SHROOM3: variants seen among roughly 807,000 people sequenced by gnomAD.
SHROOM3 encodes the protein protein Shroom3.
Under a neutral mutation model 138.6 loss-of-function variants are expected in SHROOM3, and 47 were observed. The ratio of observed to expected loss-of-function variants is 0.34; its 90% CI spans 0.27 to 0.43. The LOEUF (loss-of-function observed/expected upper bound fraction) is 0.43. Ranked by LOEUF, SHROOM3 falls within the 20% of genes least tolerant of loss-of-function variation. The probability of loss-of-function intolerance (pLI) is 1.00; values close to 1 mark genes in which losing one functional copy is unlikely to be tolerated. For synonymous variants in SHROOM3, 1,062 were observed against 1,063.3 expected (o/e 1.00, Z 0.02); for missense variants, 2,491 against 2,596.5 (o/e 0.96, Z 0.88).
chr4:76,594,888 T>G lies in SHROOM3; in HGVS notation c.323+39125T>G, dbSNP rs554539185. Among the ~76,000 whole-genome samples the G allele has an allele frequency of 2.0e-4, 31 of 152,280 alleles. 1 individual carries two copies. The highest frequency in any genetic ancestry group is 2.0e-3 in the Admixed American group (30 of 15,292). On this transcript the variant is annotated intron_variant, in intron 2 of 10. Coordinates refer to ENST00000296043, the MANE Select transcript of SHROOM3 (RefSeq NM_020859.4). ...TTGGGTGTATTGAACATAAACCCAC[T>G]AAGACCAACTCAAATAAAAAGAGAT...
chr4:76,436,533 T>C (rs1172453916), intron 1 of SHROOM3, among the ~76,000 whole-genome samples: 1 of 152,242 alleles, frequency 6.6e-6, no homozygotes, highest in African/African-American at 2.4e-5. Flanking sequence ...ATTAATAACA[T>C]GGTTAAGATG....
intron 1 of SHROOM3, among the ~76,000 whole-genome samples, chr4:76,502,918 A>G (rs1363539352): frequency 6.6e-6 from 1 of 152,128 alleles, no homozygotes; most frequent in African/African-American, 2.4e-5. Flanking sequence ...AGTTCACTGC[A>G]ATGTCATACT....
At chr4:76,737,263 CTTTTT>C (rs973842428) in intron 4 of SHROOM3, among the ~76,000 whole-genome samples, 3 of 130,944 alleles carry the variant, frequency 2.3e-5, no homozygotes, top group East Asian at 4.4e-4. Flanking sequence ...CTTGACAGCT[CTTTTT>C]TTTTTTTTTA....
intron 10 of SHROOM3, among the ~76,000 whole-genome samples, chr4:76,775,321 G>GGGGTGT (rs112978260): frequency 7.4e-5 from 11 of 149,216 alleles, no homozygotes; most frequent in African/African-American, 2.7e-4. Flanking sequence ...TAGTCCATGG[G>GGGGTGT]GTGTGTGTGT....
At chr4:76,492,663 G>A (rs2109994272) in intron 1 of SHROOM3, among the ~76,000 whole-genome samples, 1 of 152,256 alleles carries the variant, frequency 6.6e-6, no homozygotes, top group African/African-American at 2.4e-5. Context: ...AGGGAAAATT[G>A]TTTAACTTTT....
Position 76,496,454 on chromosome 4 carries a change from TG to T in SHROOM3, c.169-59153del, listed in dbSNP as rs913802494. 2.2e-4 allele frequency among the ~76,000 whole-genome samples: 34 copies of T among 152,364 alleles called. 1 individual carries two copies. The highest frequency in any genetic ancestry group is 1.2e-3 in the Admixed American group (19 of 15,308). On this transcript the variant is annotated intron_variant, in intron 1 of 10. Transcript: ENST00000296043. ...GGAATTTCCCAAGGAGACCCTTTTG[TG>T]GTGGTATAGAAACCAAACCACTTGT...
intron 3 of SHROOM3, among the ~76,000 whole-genome samples, chr4:76,721,291 A>G (rs1314928526): frequency 1.3e-5 from 2 of 151,704 alleles, no homozygotes; most frequent in East Asian, 3.9e-4. Context: ...AGCCTGGGTG[A>G]CAGAGCGAGA....
chr4:76,581,818 T>C (rs1734058841), intron 2 of SHROOM3, among the ~76,000 whole-genome samples: 1 of 152,176 alleles, frequency 6.6e-6, no homozygotes, highest in Non-Finnish European at 1.5e-5. Context: ...ATTTGCAGAG[T>C]TGGGCTAAAC....
chr4:76,496,841 CT>C (rs1731977938), intron 1 of SHROOM3, among the ~76,000 whole-genome samples: 1 of 152,152 alleles, frequency 6.6e-6, no homozygotes, highest in Non-Finnish European at 1.5e-5. Context: ...TCAGAGTCCA[CT>C]TCTGTATTAT....
At chr4:76,461,509 G>A (rs1731142794) in intron 1 of SHROOM3, among the ~76,000 whole-genome samples, 1 of 152,124 alleles carries the variant, frequency 6.6e-6, no homozygotes, top group African/African-American at 2.4e-5. Context: ...TTAATACAGA[G>A]AATAAGTATA....
chr4:76,556,776 CTTAAAGACCTGCA>C (rs1733491580), intron 2 of SHROOM3, among the ~76,000 whole-genome samples: 1 of 152,178 alleles, frequency 6.6e-6, no homozygotes, highest in African/African-American at 2.4e-5. Flanking sequence ...CAGATGGCCT[CTTAAAGACCTGCA>C]TTAATTCATT....
chr4:76,580,082 C>G (rs568757509), intron 2 of SHROOM3, among the ~76,000 whole-genome samples: 1 of 152,156 alleles, frequency 6.6e-6, no homozygotes, highest in Admixed American at 6.6e-5. Flanking sequence ...GTTAGGAAAG[C>G]GAAAGGAAAA....
chr4:76,654,473 T>C (rs1317506339), intron 2 of SHROOM3, among the ~76,000 whole-genome samples: 3 of 152,092 alleles, frequency 2.0e-5, no homozygotes, highest in African/African-American at 7.2e-5. Context: ...ACTACAGGTG[T>C]GTGCCAACAT....
At chr4:76,529,677 C>A (rs1041266523) in intron 1 of SHROOM3, among the ~76,000 whole-genome samples, 2 of 152,058 alleles carry the variant, frequency 1.3e-5, no homozygotes, top group African/African-American at 4.8e-5. Context: ...TCCAAGATCC[C>A]CAAACCCATC....
chr4:76,454,255 G>A (rs977948341), intron 1 of SHROOM3, among the ~76,000 whole-genome samples: 6 of 152,254 alleles, frequency 3.9e-5, no homozygotes, highest in East Asian at 1.9e-4. Flanking sequence ...TATTGGCCAC[G>A]CTGGTCTCGG....
chr4:76,520,606 A>G (rs899332810), intron 1 of SHROOM3, among the ~76,000 whole-genome samples: 4 of 152,162 alleles, frequency 2.6e-5, no homozygotes, highest in African/African-American at 9.7e-5. Context: ...GAGCTCAGGC[A>G]ATTGGGCTCC....
chr4:76,520,999 C>G (rs996663592), intron 1 of SHROOM3, among the ~76,000 whole-genome samples: 2 of 152,186 alleles, frequency 1.3e-5, no homozygotes, highest in African/African-American at 4.8e-5. Flanking sequence ...CGAGGGAATA[C>G]TATTTCCATC....
chr4:76,627,207 C>T (rs1735171015), intron 2 of SHROOM3, among the ~76,000 whole-genome samples: 1 of 152,156 alleles, frequency 6.6e-6, no homozygotes, highest in Non-Finnish European at 1.5e-5. Context: ...TCCCAACTTC[C>T]AGACTCAGGA....
chr4:76,584,085 C>T (rs1014475655), intron 2 of SHROOM3, among the ~76,000 whole-genome samples: 7 of 152,100 alleles, frequency 4.6e-5, no homozygotes, highest in African/African-American at 1.7e-4. Context: ...GAGGCTGAGG[C>T]GGGCAGATCA....
Sources: gnomAD v4.1 joint callset for allele counts (sites outside exome capture counted in the v4.1 genomes callset) on GRCh38, gnomAD v4.1.1 for gene constraint, MANE v1.5 for transcripts, NCBI Gene and HGNC (gene_info 2026-07-23, HGNC 2026-07-21) for gene names.